DNAJC15: variants seen among roughly 807,000 people sequenced by gnomAD.
The protein encoded by DNAJC15 is DnaJ heat shock protein family (Hsp40) member C15, also known as dnaJ homolog subfamily C member 15.
In DNAJC15, 27 loss-of-function variants were observed where a neutral mutation model predicts 22.4. That is an observed-to-expected ratio of 1.20 (90% CI 0.89 to 1.66). The LOEUF (loss-of-function observed/expected upper bound fraction) is 1.66, where lower values mean the gene tolerates loss of function less well. Ranked by LOEUF, DNAJC15 falls within the 40% of genes most tolerant of loss-of-function variation. The pLI, the probability that DNAJC15 is intolerant of heterozygous loss-of-function variation, is 0.00. For missense variants in DNAJC15, 208 were observed against 187.1 expected, an observed-to-expected ratio of 1.11 and a Z score of -0.65; for synonymous variants, 79 against 63.2, an observed-to-expected ratio of 1.25 and a Z score of -1.19.
At chr13:43,064,380 T>C (rs140946654) in intron 1 of DNAJC15, among the ~76,000 whole-genome samples, 1 of 152,310 alleles carries the variant, frequency 6.6e-6, no homozygotes, top group East Asian at 1.9e-4. Context: ...GCTGAATGGC[T>C]TTTTGGTTTT....
Position 43,072,541 on chromosome 13 carries a change from A to G in DNAJC15, c.234+3538A>G, listed in dbSNP as rs116703471. Among the ~76,000 whole-genome samples, 438 of 147,846 alleles carry G rather than the reference A, an allele frequency of 3.0e-3. 2 individuals are homozygous for G. The highest frequency in any genetic ancestry group is 0.01 in the African/African-American group (419 of 40,362). The stretch of plus-strand genomic sequence containing the variant: ...ACCAGGTTGGCCTTTAGCAATGTCT[A>G]TTCTGTTTTTCATCTATCCACCGAA... On this transcript the variant is annotated intron_variant, in intron 3 of 5. Coordinates refer to ENST00000379221, the MANE Select transcript of DNAJC15 (RefSeq NM_013238.3).
intron 5 of DNAJC15, among the ~76,000 whole-genome samples, chr13:43,106,280 A>G (rs1307324787): frequency 6.6e-6 from 1 of 152,190 alleles, no homozygotes; most frequent in Non-Finnish European, 1.5e-5. Flanking sequence ...GTGAGCTGTA[A>G]TATGATTGTT....
chr13:43,063,902 CAA>C (rs1409410702), intron 1 of DNAJC15, among the ~76,000 whole-genome samples: 2 of 152,162 alleles, frequency 1.3e-5, no homozygotes, highest in Non-Finnish European at 2.9e-5. Flanking sequence ...CCAGAAAGCT[CAA>C]AATATGTAGC....
intron 3 of DNAJC15, among the ~76,000 whole-genome samples, chr13:43,070,156 A>G (rs1188504125): frequency 6.6e-6 from 1 of 152,208 alleles, no homozygotes; most frequent in African/African-American, 2.4e-5. Flanking sequence ...TGTGAGGCTT[A>G]GTTAGCCATG....
chr13:43,063,664 TTTA>T (rs2040570203), intron 1 of DNAJC15, among the ~76,000 whole-genome samples: 1 of 152,194 alleles, frequency 6.6e-6, no homozygotes, highest in South Asian at 2.1e-4. Context: ...TGGTTGTCTT[TTTA>T]TTATTAATTT....
intron 5 of DNAJC15, among the ~76,000 whole-genome samples, chr13:43,093,628 T>C (rs2040725668): frequency 6.6e-6 from 1 of 152,210 alleles, no homozygotes; most frequent in Admixed American, 6.5e-5. Context: ...TTGTCCAGTC[T>C]GGTCCCTAAC....
intron 2 of DNAJC15, among the ~76,000 whole-genome samples, chr13:43,067,276 A>G (rs1253586143): frequency 6.6e-6 from 1 of 152,192 alleles, no homozygotes; most frequent in South Asian, 2.1e-4. Flanking sequence ...AAACACTTCA[A>G]CAATCAGAAC....
At chr13:43,051,776 T>C (rs912330455) in intron 1 of DNAJC15, among the ~76,000 whole-genome samples, 14 of 152,164 alleles carry the variant, frequency 9.2e-5, no homozygotes, top group African/African-American at 3.1e-4. Flanking sequence ...CTTTTTCATA[T>C]GATTGCTTAT....
At chr13:43,035,735 T>G (rs1236367897) in intron 1 of DNAJC15, among the ~76,000 whole-genome samples, 2 of 152,198 alleles carry the variant, frequency 1.3e-5, no homozygotes, top group African/African-American at 4.8e-5. Context: ...ATTTTATTTC[T>G]TTTGAGACAG....
rs1347700203 is a variant in DNAJC15, at chr13:43,049,425, A to G, written c.109-16261A>G. 4.6e-5 allele frequency among the ~76,000 whole-genome samples: 7 copies of G among 152,246 alleles called. No homozygotes were observed. In the South Asian group the frequency reaches 1.2e-3, roughly 27 times the overall value. ...ACAAAATACAGATCCTCTTAGCCCA[A>G]GGATATGATACTGAAGTTTAGTAAA... On this transcript the variant is annotated intron_variant, in intron 1 of 5. Coordinates refer to ENST00000379221, the MANE Select transcript of DNAJC15 (RefSeq NM_013238.3).
At chr13:43,082,433 A>T (rs553968269) in intron 4 of DNAJC15, among the ~76,000 whole-genome samples, 22 of 152,328 alleles carry the variant, frequency 1.4e-4, no homozygotes, top group African/African-American at 4.1e-4. Flanking sequence ...ATTAATATTA[A>T]AATGTATTAA....
chr13:43,092,825 G>A (rs1221186690), intron 5 of DNAJC15, among the ~76,000 whole-genome samples: 7 of 152,116 alleles, frequency 4.6e-5, no homozygotes, highest in Non-Finnish European at 1.0e-4. Context: ...GAGGTGGGAG[G>A]ATTGCTTAAG....
In DNAJC15 at chr13:43,113,194, A is replaced by G. The variant is rs1166579975; in HGVS notation, c.*5946A>G. 1 of 152,240 alleles carries G rather than the reference A, an allele frequency of 6.6e-6. No individual in the cohort carries two copies. The highest frequency in any genetic ancestry group is 2.4e-5 in the African/African-American group (1 of 41,468). 9.4% of individuals were successfully genotyped at this position (152,240 alleles called of 1,614,324 possible). On this transcript the variant is annotated 3_prime_UTR_variant, in exon 6 of 6. Transcript: ENST00000379221. The stretch of plus-strand genomic sequence containing the variant: ...AGCAGACCTGGCACAAGAAATGAAG[A>G]GAGAGCTCAGTGTATTAAAGATGAA...
chr13:43,043,547 G>C (rs2040463472), intron 1 of DNAJC15, among the ~76,000 whole-genome samples: 1 of 152,170 alleles, frequency 6.6e-6, no homozygotes, highest in Non-Finnish European at 1.5e-5. Context: ...GTGTGAAAAA[G>C]ATTATTCTTA....
intron 5 of DNAJC15, among the ~76,000 whole-genome samples, chr13:43,097,852 A>C (rs1593331442): frequency 6.6e-6 from 1 of 152,086 alleles, no homozygotes; most frequent in African/African-American, 2.4e-5. Flanking sequence ...CAGGAGAATC[A>C]CTTGAACCCG....
In DNAJC15 at chr13:43,111,476, G is replaced by C. The variant is rs1018075053; in HGVS notation, c.*4228G>C. ...GCAGAAATCTTTTGGTTGTCCTGGGGAACCTTGAACACAGAAAAGAGCTTT... is the reference window on the plus strand; with the variant it reads ...GCAGAAATCTTTTGGTTGTCCTGGGCAACCTTGAACACAGAAAAGAGCTTT... On this transcript the variant is annotated 3_prime_UTR_variant, in exon 6 of 6. Transcript: ENST00000379221. The C allele has an allele frequency of 6.6e-6, 1 of 152,112 alleles. No homozygotes were observed. Among genetic ancestry groups the C allele is most frequent in the Admixed American group, 6.6e-5 (1 of 15,262 alleles). 9.4% of individuals were successfully genotyped at this position (152,112 alleles called of 1,614,324 possible).
rs769793940 is a variant in DNAJC15 at position 43,108,963 on chromosome 13, T to C, written c.*1715T>C. ...TAGTGTTTTCACTTTTCTCCTGTTA[T>C]CCTTGTACCTAAGAATGCCATCCCA... is the stretch of plus-strand genomic sequence containing the variant. On this transcript the variant is annotated 3_prime_UTR_variant, in exon 6 of 6. Coordinates refer to ENST00000379221, the MANE Select transcript of DNAJC15 (RefSeq NM_013238.3). 1 of 152,216 alleles carries C rather than the reference T, an allele frequency of 6.6e-6. No individual in the cohort carries two copies. The highest frequency in any genetic ancestry group is 1.5e-5 in the Non-Finnish European group (1 of 68,042). 9.4% of individuals were successfully genotyped at this position (152,216 alleles called of 1,614,324 possible).
chr13:43,032,405 A>G (rs910100539), intron 1 of DNAJC15, among the ~76,000 whole-genome samples: 14 of 152,382 alleles, frequency 9.2e-5, no homozygotes, highest in African/African-American at 3.1e-4. Flanking sequence ...CAGTGTTAGA[A>G]AACACTTTTT....
At chr13:43,090,162 ACAGCAT>A (rs1396071011) in intron 5 of DNAJC15, among the ~76,000 whole-genome samples, 1 of 152,228 alleles carries the variant, frequency 6.6e-6, no homozygotes, top group African/African-American at 2.4e-5. Flanking sequence ...GGCCCCCTTA[ACAGCAT>A]AAGCAGCAAG....
Sources: gnomAD v4.1 joint callset for allele counts (sites outside exome capture counted in the v4.1 genomes callset) on GRCh38, gnomAD v4.1.1 for gene constraint, MANE v1.5 for transcripts, NCBI Gene and HGNC (gene_info 2026-07-23, HGNC 2026-07-21) for gene names.